Variants in LYRM4 observed in about 807,000 individuals in gnomAD.
LYRM4 encodes the protein LYR motif containing 4.
LYRM4 carries 9 observed loss-of-function variants against 11.7 expected under a neutral mutation model. The ratio of observed to expected loss-of-function variants is 0.77; its 90% CI spans 0.46 to 1.34. LYRM4 has a LOEUF of 1.34. Among genes scored for constraint, LYRM4 ranks in the 40% most tolerant of loss-of-function variants. The probability of loss-of-function intolerance (pLI) is 0.00; values close to 1 mark genes in which losing one functional copy is unlikely to be tolerated. For missense variants in LYRM4, 133 were observed against 112.5 expected (o/e 1.18, Z -0.82); for synonymous variants, 42 against 40.4 (o/e 1.04, Z -0.15).
intron 2 of LYRM4, among the ~76,000 whole-genome samples, chr6:5,198,250 T>C (rs1487919923): frequency 6.6e-6 from 1 of 152,086 alleles, no homozygotes; most frequent in African/African-American, 2.4e-5. Context: ...GTTTTGGACA[T>C]CACGGCTTTC....
intron 1 of LYRM4, among the ~76,000 whole-genome samples, chr6:5,249,065 T>G (rs1288633901): frequency 6.6e-6 from 1 of 152,254 alleles, no homozygotes; most frequent in East Asian, 1.9e-4. Flanking sequence ...TTTCAAAGAT[T>G]TGGCAGCTGG....
the LYRM4 span, among the ~76,000 whole-genome samples, chr6:5,081,854 A>G: frequency 3.3e-5 from 5 of 152,140 alleles, no homozygotes; most frequent in African/African-American, 4.8e-5. Flanking sequence ...AGAAACACCA[A>G]GTGATTAGAG....
At chr6:5,129,196 C>T (rs927799835) in intron 2 of LYRM4, among the ~76,000 whole-genome samples, 7 of 152,144 alleles carry the variant, frequency 4.6e-5, no homozygotes, top group African/African-American at 1.4e-4. Context: ...GCATTGGGCT[C>T]GCGGGCTGCC....
intron 1 of LYRM4, among the ~76,000 whole-genome samples, chr6:5,252,575 A>G (rs1449503891): frequency 6.6e-6 from 1 of 152,148 alleles, no homozygotes; most frequent in Non-Finnish European, 1.5e-5. Context: ...CTGTTGCCTA[A>G]TCAATAGTTC....
At chr6:5,175,073 A>G (rs1399250036) in intron 2 of LYRM4, among the ~76,000 whole-genome samples, 1 of 152,242 alleles carries the variant, frequency 6.6e-6, no homozygotes, top group East Asian at 1.9e-4. Flanking sequence ...AGTAAGTAGT[A>G]TTTAAAGAAG....
intron 2 of LYRM4, among the ~76,000 whole-genome samples, chr6:5,134,016 A>G (rs905900084): frequency 6.6e-6 from 1 of 152,216 alleles, no homozygotes; most frequent in South Asian, 2.1e-4. Context: ...GCTGAAGGAT[A>G]TTTGGGTTGT....
intron 2 of LYRM4, among the ~76,000 whole-genome samples, chr6:5,174,542 C>T (rs1343474485): frequency 3.3e-5 from 5 of 152,078 alleles, no homozygotes; most frequent in Admixed American, 6.6e-5. Context: ...GTCACTAGGA[C>T]CTTTCTTCTC....
downstream of LYRM4, chr6:5,107,336 C>G (rs1762691710): frequency 6.6e-6 from 1 of 152,222 alleles, no homozygotes. Context: ...ATCTTGCCGG[C>G]AATTTGATGC....
chr6:5,188,411 A>G (rs1003140341), intron 2 of LYRM4, among the ~76,000 whole-genome samples: 1 of 152,188 alleles, frequency 6.6e-6, no homozygotes, highest in African/African-American at 2.4e-5. Context: ...TGATTAAAAA[A>G]TGGTAAGTAA....
intron 2 of LYRM4, among the ~76,000 whole-genome samples, chr6:5,200,158 A>G (rs993374383): frequency 2.6e-5 from 4 of 152,200 alleles, no homozygotes; most frequent in African/African-American, 7.2e-5. Context: ...CACTGTGGAT[A>G]TTCTCATTGC....
chr6:5,150,160 G>T (rs1217158473), intron 2 of LYRM4, among the ~76,000 whole-genome samples: 2 of 152,172 alleles, frequency 1.3e-5, no homozygotes, highest in Non-Finnish European at 2.9e-5. Flanking sequence ...CAATACGTAA[G>T]CTTTGTAGAA....
At chr6:5,071,188 CAA>C in the LYRM4 span, among the ~76,000 whole-genome samples, 258 of 146,784 alleles carry the variant, frequency 1.8e-3, 1 homozygote, top group East Asian at 0.011. Flanking sequence ...GACTCTGTCT[CAA>C]AAAAAAAAAA....
chr6:5,200,812 A>T (rs1167688752), intron 2 of LYRM4, among the ~76,000 whole-genome samples: 2 of 151,730 alleles, frequency 1.3e-5, no homozygotes, highest in Non-Finnish European at 2.9e-5. Context: ...GGTCTGGAGT[A>T]GACTGGTCTG....
the LYRM4 span, among the ~76,000 whole-genome samples, chr6:5,076,772 T>C: frequency 1.3e-5 from 2 of 152,166 alleles, no homozygotes; most frequent in East Asian, 3.9e-4. Context: ...GCCCACCCCA[T>C]CAAGGAACTG....
the LYRM4 span, among the ~76,000 whole-genome samples, chr6:5,080,527 T>A: frequency 6.6e-6 from 1 of 152,086 alleles, no homozygotes; most frequent in African/African-American, 2.4e-5. Flanking sequence ...TTATTCCAGG[T>A]TTTTGGTCTA....
intron 1 of LYRM4, among the ~76,000 whole-genome samples, chr6:5,243,715 T>C (rs1764015412): frequency 6.6e-6 from 1 of 152,184 alleles, no homozygotes; most frequent in Admixed American, 6.5e-5. Flanking sequence ...AAGAAGTTAT[T>C]TTTATATATC....
At chr6:5,036,885 G>GA in the LYRM4 span, among the ~76,000 whole-genome samples, 121 of 152,194 alleles carry the variant, frequency 8.0e-4, no homozygotes, top group African/African-American at 2.8e-3. Flanking sequence ...AACAGAAGCA[G>GA]AAACTGATGC....
intron 2 of LYRM4, among the ~76,000 whole-genome samples, chr6:5,125,301 T>C (rs1375488930): frequency 6.6e-6 from 1 of 152,064 alleles, no homozygotes; most frequent in Non-Finnish European, 1.5e-5. Flanking sequence ...CTCCCCCAGC[T>C]CTCCTCCCTC....
the LYRM4 span, chr6:5,085,905 A>C: frequency 6.5e-7 from 1 of 1,531,148 alleles, no homozygotes. Context: ...CGCTGGGGCT[A>C]AGCCTGGCCA....
Sources: allele counts gnomAD v4.1 joint callset (sites outside exome capture counted in the v4.1 genomes callset), GRCh38; gene constraint gnomAD v4.1.1; transcripts MANE v1.5; gene names NCBI Gene and HGNC (gene_info 2026-07-23, HGNC 2026-07-21).